MECOM: variants seen among roughly 807,000 people sequenced by gnomAD.
MECOM encodes the protein MDS1 and EVI1 complex locus, also known as histone-lysine N-methyltransferase MECOM.
MECOM carries 13 observed loss-of-function variants against 116.3 expected under a neutral mutation model. The observed-to-expected ratio is 0.11, with a 90% confidence interval of 0.07 to 0.18. The LOEUF (loss-of-function observed/expected upper bound fraction) is 0.18, where lower values mean the gene tolerates loss of function less well. MECOM is among the 10% of genes least tolerant of loss of function. The pLI is 1.00. For missense variants in MECOM, 1,299 were observed against 1,509.0 expected, an observed-to-expected ratio of 0.86 and a Z score of 2.31; for synonymous variants, 528 against 535.2, an observed-to-expected ratio of 0.99 and a Z score of 0.19.
chr3:169,533,749 G>C (rs1424186579), intron 1 of MECOM, among the ~76,000 whole-genome samples: 1 of 152,036 alleles, frequency 6.6e-6, no homozygotes, highest in African/African-American at 2.4e-5. Context: ...GATTCACGCT[G>C]TAGGTGGTCA....
intron 1 of MECOM, among the ~76,000 whole-genome samples, chr3:169,493,798 G>T: frequency 6.6e-6 from 1 of 152,088 alleles, no homozygotes. Context: ...AACTTAAGCT[G>T]TTGAAAGCCT....
At chr3:169,538,271 A>G (rs1759630536) in intron 1 of MECOM, among the ~76,000 whole-genome samples, 2 of 152,114 alleles carry the variant, frequency 1.3e-5, no homozygotes, top group African/African-American at 4.8e-5. Context: ...GGTGTGTTCA[A>G]TTTTTGCCTA....
intron 1 of MECOM, among the ~76,000 whole-genome samples, chr3:169,411,769 TC>T (rs1465324968): frequency 6.6e-6 from 1 of 152,198 alleles, no homozygotes; most frequent in Admixed American, 6.5e-5. Flanking sequence ...GGTGGGAAGA[TC>T]TTTTGAGGCC....
At chr3:169,357,707 T>C (rs1727500195) in intron 2 of MECOM, among the ~76,000 whole-genome samples, 1 of 151,710 alleles carries the variant, frequency 6.6e-6, no homozygotes, top group Non-Finnish European at 1.5e-5. Context: ...AGGTGACACA[T>C]ATATTAGATA....
At chr3:169,296,533 T>C (rs16853441) in intron 2 of MECOM, among the ~76,000 whole-genome samples, 9,251 of 152,236 alleles carry the variant, frequency 0.061, 792 homozygotes, top group African/African-American at 0.19. Flanking sequence ...CAGGGCATTC[T>C]GAGCAAATAG....
intron 1 of MECOM, among the ~76,000 whole-genome samples, chr3:169,645,671 T>C (rs935931468): frequency 2.0e-5 from 3 of 152,218 alleles, no homozygotes; most frequent in African/African-American, 7.2e-5. Context: ...CCAGAAATCA[T>C]AGGCAGAAAG....
chr3:169,360,314 T>A (rs1272901310), intron 2 of MECOM, among the ~76,000 whole-genome samples: 67 of 71,812 alleles, frequency 9.3e-4, no homozygotes, highest in East Asian at 1.3e-3. Context: ...AAAAAAAAGT[T>A]ACACCAAAAA....
chr3:169,659,089 AAAG>A (rs1577329732), intron 1 of MECOM, among the ~76,000 whole-genome samples: 1 of 149,066 alleles, frequency 6.7e-6, no homozygotes, highest in African/African-American at 2.6e-5. Context: ...AAAAAAAAAA[AAAG>A]AAAGAGAAAG....
At chr3:169,449,121 T>C (rs557620254) in intron 1 of MECOM, among the ~76,000 whole-genome samples, 2 of 152,300 alleles carry the variant, frequency 1.3e-5, no homozygotes, top group Admixed American at 1.3e-4. Context: ...AGGTGAGAGA[T>C]GGAGCACAAA....
At chr3:169,581,472 G>A (rs1419662657) in intron 1 of MECOM, among the ~76,000 whole-genome samples, 1 of 150,444 alleles carries the variant, frequency 6.6e-6, no homozygotes, top group Non-Finnish European at 1.5e-5. Flanking sequence ...TTTAATTACT[G>A]AAGACTCTTG....
intron 2 of MECOM, among the ~76,000 whole-genome samples, chr3:169,333,580 T>C (rs1326805994): frequency 1.3e-5 from 2 of 152,124 alleles, no homozygotes; most frequent in Admixed American, 6.6e-5. Context: ...CGAATAAAAG[T>C]TTCAGATATG....
chr3:169,143,033 T>C (rs1298578523), intron 3 of MECOM, among the ~76,000 whole-genome samples: 1 of 152,022 alleles, frequency 6.6e-6, no homozygotes, highest in Non-Finnish European at 1.5e-5. Flanking sequence ...AACCTAATTT[T>C]ATTAAGTGTA....
chr3:169,177,448 A>G (rs746225296), intron 2 of MECOM, among the ~76,000 whole-genome samples: 3 of 152,086 alleles, frequency 2.0e-5, no homozygotes, highest in Non-Finnish European at 2.9e-5. Flanking sequence ...GAGGGGAACA[A>G]TGCATACCAG....
At chr3:169,613,762 C>G (rs1769584503) in intron 1 of MECOM, 2 of 152,206 alleles carry the variant, frequency 1.3e-5, no homozygotes, top group Admixed American at 6.5e-5. Flanking sequence ...AAACCAAGGT[C>G]TCTAGCTCTA....
intron 1 of MECOM, among the ~76,000 whole-genome samples, chr3:169,596,673 G>A (rs1015738215): frequency 6.6e-6 from 1 of 151,662 alleles, no homozygotes; most frequent in Non-Finnish European, 1.5e-5. Context: ...TTAAAATGCT[G>A]TTTGATCAAA....
At chr3:169,437,763 A>G (rs1195216910) in intron 1 of MECOM, among the ~76,000 whole-genome samples, 1 of 152,206 alleles carries the variant, frequency 6.6e-6, no homozygotes, top group African/African-American at 2.4e-5. Flanking sequence ...CTCAGAGTAG[A>G]GTTCAACACT....
chr3:169,118,936 T>C (rs368015096), intron 7 of MECOM, among the ~76,000 whole-genome samples: 166 of 152,316 alleles, frequency 1.1e-3, no homozygotes, highest in African/African-American at 4.0e-3. Context: ...GGTAAACTGG[T>C]TCAATTGATG....
At chr3:169,528,285 T>C (rs990371995) in intron 1 of MECOM, among the ~76,000 whole-genome samples, 6 of 152,196 alleles carry the variant, frequency 3.9e-5, no homozygotes, top group African/African-American at 1.4e-4. Flanking sequence ...AAGCTGAGAC[T>C]CTAATATCCA....
chr3:169,276,283 G>A (rs1759556409), intron 2 of MECOM, among the ~76,000 whole-genome samples: 1 of 152,106 alleles, frequency 6.6e-6, no homozygotes, highest in Non-Finnish European at 1.5e-5. Flanking sequence ...CGGGCGCAGT[G>A]GCTCACGCCT....
Sources: gnomAD v4.1 joint callset for allele counts (sites outside exome capture counted in the v4.1 genomes callset) on GRCh38, gnomAD v4.1.1 for gene constraint, MANE v1.5 for transcripts, NCBI Gene and HGNC (gene_info 2026-07-23, HGNC 2026-07-21) for gene names.